The following LHFPL3 variants were observed in gnomAD, a reference collection of about 807,000 sequenced individuals.
LHFPL3 encodes LHFPL tetraspan subfamily member 3 protein.
In LHFPL3, 5 loss-of-function variants were observed where a neutral mutation model predicts 19.3. That is an observed-to-expected ratio of 0.26 (90% CI 0.14 to 0.54). The LOEUF (loss-of-function observed/expected upper bound fraction) is 0.54, where lower values mean the gene tolerates loss of function less well. LHFPL3 is among the 20% of genes least tolerant of loss of function. The pLI, the probability that LHFPL3 is intolerant of heterozygous loss-of-function variation, is 0.94. For synonymous variants in LHFPL3, 133 were observed against 126.2 expected, an observed-to-expected ratio of 1.05 and a Z score of -0.36; for missense variants, 249 against 307.4, an observed-to-expected ratio of 0.81 and a Z score of 1.42.
intron 1 of LHFPL3, among the ~76,000 whole-genome samples, chr7:104,518,749 A>G (rs1048872012): frequency 1.3e-5 from 2 of 152,088 alleles, no homozygotes; most frequent in Non-Finnish European, 2.9e-5. Flanking sequence ...ACACCACTGC[A>G]CTCCAACCTG....
At chr7:104,733,852 G>T (rs1458302525) in intron 1 of LHFPL3, among the ~76,000 whole-genome samples, 1 of 152,176 alleles carries the variant, frequency 6.6e-6, no homozygotes. Context: ...CTTTGCAGTG[G>T]CTGGGACCGG....
chr7:104,589,654 T>C (rs575892071), intron 1 of LHFPL3, among the ~76,000 whole-genome samples: 1 of 152,320 alleles, frequency 6.6e-6, no homozygotes, highest in East Asian at 1.9e-4. Flanking sequence ...ATTCCCTCTT[T>C]TTCTATTGAT....
At chr7:104,396,642 G>A (rs199878163) in intron 1 of LHFPL3, among the ~76,000 whole-genome samples, 46 of 137,490 alleles carry the variant, frequency 3.3e-4, no homozygotes, top group South Asian at 4.6e-4. Flanking sequence ...TACAAAATTA[G>A]AAAAAAAAAA....
intron 1 of LHFPL3, among the ~76,000 whole-genome samples, chr7:104,430,592 C>G (rs944225754): frequency 6.9e-6 from 1 of 145,696 alleles, no homozygotes; most frequent in African/African-American, 2.5e-5. Flanking sequence ...CCTCAGCCTC[C>G]TAAGTAGCTG....
At chr7:104,746,205 G>C (rs1180049078) in intron 2 of LHFPL3, among the ~76,000 whole-genome samples, 1 of 152,158 alleles carries the variant, frequency 6.6e-6, no homozygotes, top group Non-Finnish European at 1.5e-5. Context: ...CCAGATACTT[G>C]GGAGGCTGAG....
intron 1 of LHFPL3, among the ~76,000 whole-genome samples, chr7:104,592,855 G>C (rs746665664): frequency 6.6e-6 from 1 of 152,108 alleles, no homozygotes; most frequent in Non-Finnish European, 1.5e-5. Context: ...ATCTCAGACT[G>C]CTGTGCTAGC....
chr7:104,791,793 T>C (rs1790029472), intron 2 of LHFPL3, among the ~76,000 whole-genome samples: 1 of 152,116 alleles, frequency 6.6e-6, no homozygotes, highest in South Asian at 2.1e-4. Flanking sequence ...GCAGGGTCTT[T>C]GTATTCTTAG....
At chr7:104,337,470 C>T (rs1789850948) in intron 1 of LHFPL3, among the ~76,000 whole-genome samples, 1 of 151,894 alleles carries the variant, frequency 6.6e-6, no homozygotes, top group African/African-American at 2.4e-5. Context: ...TATGGCTTCA[C>T]CCCCAGTCAG....
chr7:104,793,893 A>G (rs564818548), intron 2 of LHFPL3, among the ~76,000 whole-genome samples: 1 of 152,312 alleles, frequency 6.6e-6, no homozygotes, highest in African/African-American at 2.4e-5. Context: ...TTTTAGACCC[A>G]TTAATATAAC....
intron 1 of LHFPL3, among the ~76,000 whole-genome samples, chr7:104,520,406 C>T (rs1186593867): frequency 6.8e-6 from 1 of 147,036 alleles, no homozygotes; most frequent in South Asian, 2.2e-4. Context: ...GTCTAAAATT[C>T]TCTTTTTTTG....
chr7:104,769,601 C>T (rs949665644), intron 2 of LHFPL3, among the ~76,000 whole-genome samples: 1 of 151,040 alleles, frequency 6.6e-6, no homozygotes. Flanking sequence ...AATGCTGTCC[C>T]TCTTTTAGCC....
chr7:104,453,654 A>C (rs1314110991), intron 1 of LHFPL3, among the ~76,000 whole-genome samples: 2 of 152,152 alleles, frequency 1.3e-5, no homozygotes, highest in African/African-American at 2.4e-5. Context: ...CTCATGGTGC[A>C]TGTAATCCCC....
chr7:104,329,281 A>C, intron 1 of LHFPL3, 57 bp downstream of exon 1: 1 of 1,538,270 alleles, frequency 6.5e-7, no homozygotes, highest in Non-Finnish European at 8.7e-7. Context: ...CGAGCCGGGG[A>C]GGGGCCAGAG....
chr7:104,639,984 A>T (rs914455934), intron 1 of LHFPL3, among the ~76,000 whole-genome samples: 2 of 152,208 alleles, frequency 1.3e-5, no homozygotes, highest in East Asian at 3.8e-4. Flanking sequence ...CTCATTCAGC[A>T]TATACAGTGC....
At chr7:104,369,244 C>T (rs531987236) in intron 1 of LHFPL3, among the ~76,000 whole-genome samples, 33 of 152,282 alleles carry the variant, frequency 2.2e-4, no homozygotes, top group South Asian at 8.3e-4. Context: ...CCACCTCTAG[C>T]CTCATGCAAC....
intron 2 of LHFPL3, among the ~76,000 whole-genome samples, chr7:104,827,766 A>G (rs572289886): frequency 6.6e-6 from 1 of 151,956 alleles, no homozygotes; most frequent in South Asian, 2.1e-4. Context: ...TACATTCTCA[A>G]AAAAACAAAA....
chr7:104,652,182 A>C (rs1451579999), intron 1 of LHFPL3, among the ~76,000 whole-genome samples: 1 of 152,092 alleles, frequency 6.6e-6, no homozygotes, highest in African/African-American at 2.4e-5. Flanking sequence ...GGATGTCCAC[A>C]GACACTCAAA....
At chr7:104,730,065 G>A (rs1397436321) in intron 1 of LHFPL3, among the ~76,000 whole-genome samples, 1 of 152,154 alleles carries the variant, frequency 6.6e-6, no homozygotes, top group African/African-American at 2.4e-5. Context: ...CCCTACAAAG[G>A]ACATGAACTC....
chr7:104,795,760 C>T (rs1790110837), intron 2 of LHFPL3, among the ~76,000 whole-genome samples: 1 of 152,202 alleles, frequency 6.6e-6, no homozygotes, highest in African/African-American at 2.4e-5. Context: ...AATAACACCA[C>T]TCCCTCTAGC....
Sources: gnomAD v4.1 joint callset for allele counts (sites outside exome capture counted in the v4.1 genomes callset) on GRCh38, gnomAD v4.1.1 for gene constraint, MANE v1.5 for transcripts, NCBI Gene and HGNC (gene_info 2026-07-23, HGNC 2026-07-21) for gene names.